Variants in SLC12A8 observed in about 807,000 individuals in gnomAD.
The protein encoded by SLC12A8 is cation-chloride cotransporter 9.
Under a neutral mutation model 75.6 loss-of-function variants are expected in SLC12A8, and 69 were observed. The observed-to-expected ratio is 0.91, with a 90% confidence interval of 0.75 to 1.11. The LOEUF is 1.11. Among genes scored for constraint, SLC12A8 ranks in the 50% most tolerant of loss-of-function variants. The pLI, the probability that SLC12A8 is intolerant of heterozygous loss-of-function variation, is 0.00. For synonymous variants in SLC12A8, 365 were observed against 372.8 expected (o/e 0.98, Z 0.24); for missense variants, 877 against 896.7 (o/e 0.98, Z 0.28).
chr3:125,163,922 C>T (rs915424959), intron 5 of SLC12A8, among the ~76,000 whole-genome samples: 8 of 152,226 alleles, frequency 5.3e-5, no homozygotes, highest in Non-Finnish European at 1.2e-4. Context: ...CCTGCCTGGC[C>T]GGACACCATT....
At chr3:125,203,167 T>G (rs192087644) in intron 2 of SLC12A8, among the ~76,000 whole-genome samples, 150 of 149,148 alleles carry the variant, frequency 1.0e-3, no homozygotes, top group Non-Finnish European at 1.7e-3. Context: ...CAAAGCAATC[T>G]ACAGAGTCAA....
chr3:125,157,060 T>C (rs1934066069), intron 5 of SLC12A8, among the ~76,000 whole-genome samples: 1 of 152,360 alleles, frequency 6.6e-6, no homozygotes, highest in South Asian at 2.1e-4. Context: ...CTGGGACTTC[T>C]GAATGTTGCT....
intron 5 of SLC12A8, among the ~76,000 whole-genome samples, chr3:125,141,941 G>A (rs1933650876): frequency 6.6e-6 from 1 of 152,118 alleles, no homozygotes; most frequent in Non-Finnish European, 1.5e-5. Context: ...CTTCTGGGAA[G>A]GGACCCGCAC....
intron 2 of SLC12A8, among the ~76,000 whole-genome samples, chr3:125,203,531 TC>T (rs1935168350): frequency 6.6e-6 from 1 of 152,110 alleles, no homozygotes; most frequent in Non-Finnish European, 1.5e-5. Flanking sequence ...AAACTGTATA[TC>T]CACATGCAGA....
At chr3:125,130,684 C>T (rs1933331857) in intron 6 of SLC12A8, among the ~76,000 whole-genome samples, 1 of 152,266 alleles carries the variant, frequency 6.6e-6, no homozygotes, top group Admixed American at 6.5e-5. Flanking sequence ...ACATGTGAGT[C>T]CAGCTCATAC....
intron 5 of SLC12A8, among the ~76,000 whole-genome samples, chr3:125,139,147 ACT>A (rs1274282244): frequency 1.3e-5 from 2 of 152,170 alleles, no homozygotes; most frequent in Non-Finnish European, 2.9e-5. Context: ...TTCCGTTTGT[ACT>A]CTGTTTCCCA....
intron 5 of SLC12A8, among the ~76,000 whole-genome samples, chr3:125,137,227 TA>T (rs1933514764): frequency 6.6e-6 from 1 of 152,124 alleles, no homozygotes; most frequent in Non-Finnish European, 1.5e-5. Flanking sequence ...ATAAGAAAAA[TA>T]TTTTTTTTAA....
At chr3:125,132,015 G>T (rs1441819741) in intron 6 of SLC12A8, among the ~76,000 whole-genome samples, 1 of 152,176 alleles carries the variant, frequency 6.6e-6, no homozygotes, top group Non-Finnish European at 1.5e-5. Context: ...GTCCTTGAAC[G>T]TGGCTCAGAG....
chr3:125,111,581 GGTTA>G (rs1258275604), intron 8 of SLC12A8, among the ~76,000 whole-genome samples: 1 of 152,036 alleles, frequency 6.6e-6, no homozygotes, highest in Non-Finnish European at 1.5e-5. Context: ...CTTACAGATA[GGTTA>G]GAGTTAATAT....
At chr3:125,106,892 T>C (rs1939041418) in intron 10 of SLC12A8, among the ~76,000 whole-genome samples, 1 of 152,204 alleles carries the variant, frequency 6.6e-6, no homozygotes, top group Non-Finnish European at 1.5e-5. Context: ...TATGTTATAT[T>C]ACACGAAGTA....
At chr3:125,187,191 G>A in intron 4 of SLC12A8, 46 bp downstream of exon 4, 1 of 1,588,388 alleles carries the variant, frequency 6.3e-7, no homozygotes, top group Non-Finnish European at 8.6e-7. Context: ...CAAGAAGAAA[G>A]TGGCAGAGGG....
At chr3:125,094,349 C>T (rs1467349748) in intron 10 of SLC12A8, among the ~76,000 whole-genome samples, 1 of 152,164 alleles carries the variant, frequency 6.6e-6, no homozygotes, top group African/African-American at 2.4e-5. Context: ...ACTCAGCAGC[C>T]TCATACCTAG....
intron 3 of SLC12A8, among the ~76,000 whole-genome samples, chr3:125,189,219 A>G (rs1179204667): frequency 6.6e-6 from 1 of 152,248 alleles, no homozygotes; most frequent in Non-Finnish European, 1.5e-5. Flanking sequence ...TTCTGCCTCC[A>G]GGCTGCAATA....
chr3:125,208,540 C>T (rs888385811), intron 2 of SLC12A8, among the ~76,000 whole-genome samples: 1 of 152,070 alleles, frequency 6.6e-6, no homozygotes, highest in African/African-American at 2.4e-5. Flanking sequence ...TTTTAATTGT[C>T]TTCATTCTCT....
At chr3:125,088,021 A>G (rs1206046003) in intron 13 of SLC12A8, 5 of 410,274 alleles carry the variant, frequency 1.2e-5, no homozygotes, top group Middle Eastern at 6.4e-4. Flanking sequence ...GAGAGTAGTG[A>G]CTTATCACCC....
intron 5 of SLC12A8, among the ~76,000 whole-genome samples, chr3:125,149,201 C>T (rs1443063112): frequency 6.6e-6 from 1 of 152,210 alleles, no homozygotes; most frequent in South Asian, 2.1e-4. Flanking sequence ...ACTCGGGGGT[C>T]GAAGCTGGGC....
intron 9 of SLC12A8, among the ~76,000 whole-genome samples, chr3:125,109,290 T>C (rs1380924506): frequency 6.6e-6 from 1 of 152,234 alleles, no homozygotes; most frequent in Non-Finnish European, 1.5e-5. Context: ...GGCATTATAC[T>C]GACAACTTCC....
chr3:125,148,987 A>T (rs563911645), intron 5 of SLC12A8, among the ~76,000 whole-genome samples: 135 of 152,220 alleles, frequency 8.9e-4, no homozygotes, highest in African/African-American at 3.1e-3. Flanking sequence ...CACAGGCAGG[A>T]TGTGTCGGCC....
At chr3:125,108,262 T>C (rs112479604) in intron 9 of SLC12A8, 136 bp from the exon 10 acceptor site, 5 of 886,708 alleles carry the variant, frequency 5.6e-6, no homozygotes, top group Non-Finnish European at 6.7e-6. Flanking sequence ...ATCTATAAAC[T>C]TGAGATAATA....
Sources: allele counts gnomAD v4.1 joint callset (sites outside exome capture counted in the v4.1 genomes callset), GRCh38; gene constraint gnomAD v4.1.1; transcripts MANE v1.5; gene names NCBI Gene and HGNC (gene_info 2026-07-23, HGNC 2026-07-21).